Variants in RBM19 observed in about 807,000 individuals in gnomAD.
RBM19 encodes the protein probable RNA-binding protein 19.
RBM19 carries 94 observed loss-of-function variants against 116.8 expected under a neutral mutation model. The observed-to-expected ratio is 0.80, with a 90% CI of 0.68 to 0.95. The LOEUF (loss-of-function observed/expected upper bound fraction) is 0.95. RBM19 is among the 40% of genes least tolerant of loss of function. The pLI, the probability that RBM19 is intolerant of heterozygous loss-of-function variation, is 0.00. For synonymous variants in RBM19, 475 were observed against 494.1 expected (o/e 0.96, Z 0.51); for missense variants, 1,161 against 1,220.7 (o/e 0.95, Z 0.73).
At chr12:113,886,011 G>C (rs1880490643) in intron 21 of RBM19, among the ~76,000 whole-genome samples, 1 of 151,772 alleles carries the variant, frequency 6.6e-6, no homozygotes, top group Non-Finnish European at 1.5e-5. Context: ...TGGGACTACA[G>C]GCTCCCCGCC....
intron 21 of RBM19, among the ~76,000 whole-genome samples, chr12:113,861,014 G>C (rs1878319515): frequency 6.6e-6 from 1 of 152,228 alleles, no homozygotes; most frequent in Non-Finnish European, 1.5e-5. Flanking sequence ...GCACAAATGT[G>C]AACTATTGTT....
chr12:113,961,425 A>G (rs915677309), intron 2 of RBM19, among the ~76,000 whole-genome samples: 25 of 152,190 alleles, frequency 1.6e-4, no homozygotes, highest in Non-Finnish European at 2.4e-4. Flanking sequence ...CAAAAGTACA[A>G]TGGAAGTTAA....
At chr12:113,822,014 A>T, downstream of RBM19, 1 of 152,224 alleles carries the variant, frequency 6.6e-6, no homozygotes, top group Admixed American at 6.5e-5. Flanking sequence ...TCTCACTTGG[A>T]GGCCCACCCA....
chr12:113,867,287 C>T (rs763001841), intron 21 of RBM19, among the ~76,000 whole-genome samples: 10 of 152,302 alleles, frequency 6.6e-5, no homozygotes, highest in Admixed American at 5.2e-4. Context: ...TCTCCAGCAC[C>T]GAAATCACAA....
chr12:113,922,824 G>A (rs534613572), intron 18 of RBM19, among the ~76,000 whole-genome samples: 60 of 152,226 alleles, frequency 3.9e-4, no homozygotes, highest in Non-Finnish European at 7.2e-4. Flanking sequence ...GCTCTTTACA[G>A]AGGTAACCAA....
In RBM19 at chr12:113,952,507, C is replaced by T; in HGVS notation, c.1000+5G>A. 1.9e-6 allele frequency: 3 copies of T among 1,611,506 alleles called. No individual in the cohort carries two copies. Reference sequence around the variant, plus strand: ...CTTCCCACCTGGAAACATCCTGGATCTTACCTGTTTTATTCCCATGAGCGT... The same window carrying T: ...CTTCCCACCTGGAAACATCCTGGATTTTACCTGTTTTATTCCCATGAGCGT... On this transcript the variant is annotated splice_donor_5th_base_variant and intron_variant, in intron 8 of 23. Transcript: ENST00000261741.
At chr12:113,820,496 G>A (rs1309404251), downstream of RBM19, among the ~76,000 whole-genome samples, 1 of 152,108 alleles carries the variant, frequency 6.6e-6, no homozygotes, top group African/African-American at 2.4e-5. Flanking sequence ...GTGGGGCCTC[G>A]GTGCTGGGGT....
intron 21 of RBM19, among the ~76,000 whole-genome samples, chr12:113,883,101 G>C (rs1448629242): frequency 6.6e-6 from 1 of 152,158 alleles, no homozygotes; most frequent in Non-Finnish European, 1.5e-5. Context: ...TAGGGAACGA[G>C]GGAGAAAAAA....
At chr12:113,949,311 C>T (rs1488528672) in intron 9 of RBM19, among the ~76,000 whole-genome samples, 2 of 152,212 alleles carry the variant, frequency 1.3e-5, no homozygotes, top group African/African-American at 4.8e-5. Context: ...ATTCTCTAAA[C>T]TCCGGGCTGT....
intron 22 of RBM19, among the ~76,000 whole-genome samples, chr12:113,851,382 C>T (rs964704822): frequency 6.6e-6 from 1 of 152,168 alleles, no homozygotes; most frequent in Non-Finnish European, 1.5e-5. Flanking sequence ...GACGAGGAGA[C>T]AAAAGTGGGA....
chr12:113,896,328 G>A (rs974802577), intron 21 of RBM19, among the ~76,000 whole-genome samples: 8 of 152,092 alleles, frequency 5.3e-5, no homozygotes, highest in East Asian at 1.9e-4. Flanking sequence ...GGAATGCAGC[G>A]GCCCCATCAC....
At chr12:113,863,560 C>A (rs1410646450) in intron 21 of RBM19, among the ~76,000 whole-genome samples, 1 of 152,164 alleles carries the variant, frequency 6.6e-6, no homozygotes, top group African/African-American at 2.4e-5. Context: ...AAACCTAGGG[C>A]CTTCTGCTCC....
At chr12:113,955,344 A>G in intron 6 of RBM19, 133 bp from the exon 7 acceptor site, 1 of 836,802 alleles carries the variant, frequency 1.2e-6, no homozygotes, top group South Asian at 1.5e-5. Context: ...GCTGGGAAGA[A>G]TCAATGTCCA....
chr12:113,868,510 A>C (rs1431443377), intron 21 of RBM19, among the ~76,000 whole-genome samples: 3 of 152,244 alleles, frequency 2.0e-5, no homozygotes, highest in Non-Finnish European at 4.4e-5. Context: ...GGAGACATCT[A>C]TTTAAACAGA....
At chr12:113,850,644 T>C (rs574622304) in intron 22 of RBM19, among the ~76,000 whole-genome samples, 11 of 152,334 alleles carry the variant, frequency 7.2e-5, no homozygotes, top group Admixed American at 5.9e-4. Flanking sequence ...ACAAAAGGCA[T>C]TGCATGCCCT....
intron 14 of RBM19, among the ~76,000 whole-genome samples, chr12:113,940,758 C>T (rs1390101404): frequency 6.6e-6 from 1 of 152,202 alleles, no homozygotes; most frequent in Admixed American, 6.5e-5. Context: ...TCTGCACTGC[C>T]CCCAAAACTG....
chr12:113,928,101 C>T (rs973589206), intron 16 of RBM19, among the ~76,000 whole-genome samples: 2 of 152,146 alleles, frequency 1.3e-5, no homozygotes, highest in Admixed American at 1.3e-4. Context: ...CTCTGGGAGG[C>T]GGAGGCAGGT....
At chr12:113,857,591 G>T (rs1473444686) in intron 22 of RBM19, among the ~76,000 whole-genome samples, 1 of 152,252 alleles carries the variant, frequency 6.6e-6, no homozygotes, top group Non-Finnish European at 1.5e-5. Context: ...CTGATGAGAG[G>T]CGAGGGAAAG....
rs760072963 is a variant in RBM19 at position 113,918,402 on chromosome 12, G to A, written c.2431C>T (p.Arg811Ter). 37 of 1,608,618 alleles carry A rather than the reference G, an allele frequency of 2.3e-5. No homozygotes were observed. Among genetic ancestry groups the A allele is most frequent in the Non-Finnish European group, 2.0e-5 (23 of 1,178,480 alleles). The change falls in exon 20 of 24, where the codon CGA (arginine) becomes TGA (stop). Residue 811 changes from arginine to a stop codon, truncating the protein, a stop_gained. Coordinates refer to ENST00000261741, the MANE Select transcript of RBM19 (RefSeq NM_016196.4). LOFTEE classifies it high-confidence loss of function. Reference protein sequence around the residue: ...GHKLEVRISERATKPAVTLAR... With the variant: ...GHKLEVRISE ...ACACTGAAGACTCACTTAGTGGCTC[G>A]TTCCGAGATCCTCACTTCCAGCTTG...
Sources: gnomAD v4.1 joint callset for allele counts (sites outside exome capture counted in the v4.1 genomes callset) on GRCh38, gnomAD v4.1.1 for gene constraint, MANE v1.5 for transcripts, NCBI Gene and HGNC (gene_info 2026-07-23, HGNC 2026-07-21) for gene names.